The following HOOK3 variants were observed in gnomAD, a reference collection of about 807,000 sequenced individuals.
The protein encoded by HOOK3 is protein Hook homolog 3.
HOOK3 carries 24 observed loss-of-function variants against 116.3 expected under a neutral mutation model. That is an observed-to-expected ratio of 0.21 (90% confidence interval 0.15 to 0.29). The LOEUF is 0.29. Ranked by LOEUF, HOOK3 falls within the 10% of genes least tolerant of loss-of-function variation. The pLI, the probability that HOOK3 is intolerant of heterozygous loss-of-function variation, is 1.00. For synonymous variants in HOOK3, 275 were observed against 283.0 expected (o/e 0.97, Z 0.28); for missense variants, 632 against 830.2 (o/e 0.76, Z 2.93).
At chr8:43,010,564 A>C (rs1809585885) in intron 19 of HOOK3, among the ~76,000 whole-genome samples, 159 bp downstream of exon 19, 1 of 152,244 alleles carries the variant, frequency 6.6e-6, no homozygotes. Context: ...AGCAACAAGC[A>C]GTGCTCAAAA....
intron 2 of HOOK3, among the ~76,000 whole-genome samples, chr8:42,919,680 T>C (rs1807615010): frequency 6.6e-6 from 1 of 152,186 alleles, no homozygotes; most frequent in Admixed American, 6.5e-5. Flanking sequence ...CGAGACTCCG[T>C]CTGCAATCCC....
At chr8:42,949,955 G>T (rs1808308124) in intron 5 of HOOK3, among the ~76,000 whole-genome samples, 1 of 151,546 alleles carries the variant, frequency 6.6e-6, no homozygotes, top group African/African-American at 2.4e-5. Flanking sequence ...GAATAATGCA[G>T]CACGTTGATG....
chr8:42,945,956 T>C (rs960354718), intron 5 of HOOK3, among the ~76,000 whole-genome samples: 8 of 152,154 alleles, frequency 5.3e-5, no homozygotes, highest in African/African-American at 1.9e-4. Context: ...CCAAAGTGCT[T>C]ATCTAATCTT....
Position 42,997,629 on chromosome 8 carries a change from G to T in HOOK3, c.1612G>T (p.Ala538Ser). 6.3e-7 allele frequency: 1 copy of T among 1,582,476 alleles called. No individual in the cohort carries two copies. The highest frequency in any genetic ancestry group is 8.7e-7 in the Non-Finnish European group (1 of 1,151,596). The change falls in exon 16 of 22, where the codon GCA becomes TCA. Residue 538 changes from alanine (A) to serine (S), a missense_variant. Physicochemically the swap from Ala to Ser is moderately conservative, Grantham distance 99. Coordinates refer to ENST00000307602, the MANE Select transcript of HOOK3 (RefSeq NM_032410.4). The stretch of plus-strand genomic sequence containing the variant: ...ATCTTTACAGGATCAAGGCTCAAAA[G>T]CAGAAGATGTAAGTTTTAATATGTA... ...QKSLQDQGSK[A>S]EDSVLLKKKL...
In HOOK3 at chr8:43,027,376, A is replaced by C. The variant is rs1190037054; in HGVS notation, c.*8878A>C. 2 of 413,426 alleles carry C rather than the reference A, an allele frequency of 4.8e-6. No homozygotes were observed. Among genetic ancestry groups the C allele is most frequent in the African/African-American group, 2.1e-5 (1 of 47,468 alleles). The allele number at this position is 413,426 out of a possible 1,614,324, so 25.6% of individuals were successfully genotyped here. A position where few individuals can be genotyped will look rare whatever the true frequency, so the allele number is the denominator to read the frequency against. ...ATAAATATGGACACAATTACTGCCA[A>C]AGAATAGAGAGATTTGCTTATGAGA... is the stretch of plus-strand genomic sequence containing the variant. On this transcript the variant is annotated 3_prime_UTR_variant, in exon 22 of 22. Coordinates refer to ENST00000307602, the MANE Select transcript of HOOK3 (RefSeq NM_032410.4).
chr8:42,968,167 A>G lies in HOOK3; in HGVS notation c.1075A>G (p.Arg359Gly). 1 of 1,614,096 alleles carries G rather than the reference A, an allele frequency of 6.2e-7. No individual in the cohort carries two copies. Among genetic ancestry groups the G allele is most frequent in the Non-Finnish European group, 8.5e-7 (1 of 1,179,960 alleles). ...TACTGTCAGTCTAGAGGAAGAGTTA[A>G]GAAAGGCCAACGCAGCGCGAAGTCA... ...QNTVSLEEEL[R>G]KANAARSQLE... Residue 359 changes from arginine to glycine, a missense_variant, in exon 11 of 22, where the codon AGA becomes GGA. Coordinates refer to ENST00000307602, the MANE Select transcript of HOOK3 (RefSeq NM_032410.4).
At position 42,964,466 on chromosome 8, in the gene HOOK3, A is replaced by C; in HGVS notation, c.771A>C (p.Glu257Asp). 6.2e-7 allele frequency: 1 copy of C among 1,610,128 alleles called. No homozygotes were observed. Among genetic ancestry groups the C allele is most frequent in the Non-Finnish European group, 8.5e-7 (1 of 1,179,082 alleles). Residue 257 changes from glutamate to aspartate, a missense_variant, in exon 9 of 22, where the codon GAA becomes GAC. Physicochemically the swap from Glu to Asp is conservative, Grantham distance 45. Coordinates refer to ENST00000307602, the MANE Select transcript of HOOK3 (RefSeq NM_032410.4). ...LQTQLEQLQE[E>D]TFRLEAAKDD... ...CTCAATTAGAACAGCTCCAAGAAGAAACATTCAGGTAAAAGACAACTCATT... is the reference window on the plus strand; with the variant it reads ...CTCAATTAGAACAGCTCCAAGAAGACACATTCAGGTAAAAGACAACTCATT...
At chr8:42,979,844 T>G (rs1344114452) in intron 13 of HOOK3, among the ~76,000 whole-genome samples, 1 of 152,194 alleles carries the variant, frequency 6.6e-6, no homozygotes, top group Non-Finnish European at 1.5e-5. Flanking sequence ...ATTATATATC[T>G]TTCTTGTTTT....
intron 15 of HOOK3, among the ~76,000 whole-genome samples, chr8:42,991,603 G>A (rs60292433): frequency 1.1e-4 from 17 of 151,736 alleles, no homozygotes; most frequent in Admixed American, 2.0e-4. Flanking sequence ...GGTTTTGCCC[G>A]GTTGGCTGGG....
rs1349473000 is a variant in HOOK3, at chr8:43,027,501, A to C, written c.*9003A>C. 6.9e-6 allele frequency: 3 copies of C among 435,244 alleles called. No individual in the cohort carries two copies. The highest frequency in any genetic ancestry group is 1.3e-5 in the Non-Finnish European group (3 of 225,936). 27.0% of individuals were successfully genotyped at this position (435,244 alleles called of 1,614,324 possible). ...CCCCTGTTCTACTGACGTGCTTTGC[A>C]TGAGAAGCTCATCTAGAAGAGAGCA... On this transcript the variant is annotated 3_prime_UTR_variant, in exon 22 of 22. Transcript: ENST00000307602.
At chr8:42,933,201 T>C (rs1454078587) in intron 4 of HOOK3, among the ~76,000 whole-genome samples, 2 of 152,206 alleles carry the variant, frequency 1.3e-5, no homozygotes, top group African/African-American at 4.8e-5. Flanking sequence ...GCCATGAAAA[T>C]ACATATTTAT....
chr8:42,917,437 C>T (rs533217768), intron 2 of HOOK3, among the ~76,000 whole-genome samples: 1 of 152,236 alleles, frequency 6.6e-6, no homozygotes, highest in African/African-American at 2.4e-5. Context: ...CGGTTGGTTC[C>T]TCTGTGACCA....
chr8:42,934,281 G>A (rs1301473551), intron 4 of HOOK3, among the ~76,000 whole-genome samples: 2 of 151,742 alleles, frequency 1.3e-5, no homozygotes, highest in East Asian at 3.9e-4. Context: ...TTTTTAATTT[G>A]CAAGAGCGCT....
Position 42,966,527 on chromosome 8 carries a change from G to T in HOOK3, c.834G>T (p.Glu278Asp). ...TACGTTGTGAAGAGTTAGAAAAGGA[G>T]ATCTCTGAACTTCGGCAACAGAATG... ...YRIRCEELEK[E>D]ISELRQQNDE... is the part of the protein sequence containing the mutation. The change falls in exon 10 of 22, where the codon GAG becomes GAT. Residue 278 changes from glutamate (E) to aspartate (D), a missense_variant. By Grantham distance (45) the Glu-to-Asp change is conservative. This residue lies in a region of HOOK3 where 483 missense variants were observed against 648.1 expected (regional missense o/e 0.75). Transcript: ENST00000307602. 9.3e-6 allele frequency: 15 copies of T among 1,614,118 alleles called. No individual in the cohort carries two copies. Among genetic ancestry groups the T allele is most frequent in the Non-Finnish European group, 1.3e-5 (15 of 1,179,950 alleles).
rs1166598519 is a variant in HOOK3, at chr8:43,025,257, A to G, written c.*6759A>G. The G allele has an allele frequency of 4.8e-6, 1 of 207,728 alleles. No homozygotes were observed. Among genetic ancestry groups the G allele is most frequent in the Non-Finnish European group, 9.8e-6 (1 of 101,922 alleles). 12.9% of individuals were successfully genotyped at this position (207,728 alleles called of 1,614,324 possible). A position where few individuals can be genotyped will look rare whatever the true frequency, so the allele number is the denominator to read the frequency against. On this transcript the variant is annotated 3_prime_UTR_variant, in exon 22 of 22. Transcript: ENST00000307602. ...TTCAGAAGTTTTCTGTTTTCTTATAATTTCCAGTAATACTCTGTAAGACTC... is the reference window on the plus strand; with the variant it reads ...TTCAGAAGTTTTCTGTTTTCTTATAGTTTCCAGTAATACTCTGTAAGACTC...
chr8:42,974,053 T>G (rs1808773481), intron 12 of HOOK3, 54 bp from the exon 13 acceptor site: 1 of 1,265,504 alleles, frequency 7.9e-7, no homozygotes, highest in Non-Finnish European at 1.2e-6. Context: ...AGGCCACTGA[T>G]GAATAAATTC....
At chr8:42,906,076 G>C in intron 1 of HOOK3, 97 bp from the exon 2 acceptor site, 2 of 832,540 alleles carry the variant, frequency 2.4e-6, no homozygotes, top group Non-Finnish European at 3.9e-6. Flanking sequence ...GACAGGGCTA[G>C]ACTCCGTCTC....
intron 8 of HOOK3, among the ~76,000 whole-genome samples, chr8:42,962,275 T>G (rs1586611388): frequency 6.6e-6 from 1 of 151,010 alleles, no homozygotes; most frequent in Non-Finnish European, 1.5e-5. Flanking sequence ...TTTTTTTTTT[T>G]TTTTTGGTAG....
At chr8:42,899,881 CTGAG>C (rs1382008851) in intron 1 of HOOK3, among the ~76,000 whole-genome samples, 1 of 152,160 alleles carries the variant, frequency 6.6e-6, no homozygotes, top group Admixed American at 6.5e-5. Context: ...AATTATATTC[CTGAG>C]TATCAGATAA....
Sources: gnomAD v4.1 joint callset for allele counts (sites outside exome capture counted in the v4.1 genomes callset) on GRCh38, gnomAD v4.1.1 for gene constraint, gnomAD v4.1.1 regional missense constraint, MANE v1.5 for transcripts, NCBI Gene and HGNC (gene_info 2026-07-23, HGNC 2026-07-21) for gene names.